Variants in CPED1 observed in about 807,000 individuals in gnomAD.
The protein encoded by CPED1 is cadherin like and PC-esterase domain containing 1.
A neutral mutation model predicts 128.2 loss-of-function variants in CPED1; 114 were observed. That is an observed-to-expected ratio of 0.89 (90% CI 0.76 to 1.04). The LOEUF (loss-of-function observed/expected upper bound fraction) is 1.04, where lower values mean the gene tolerates loss of function less well. Ranked by LOEUF, CPED1 falls within the 50% of genes least tolerant of loss-of-function variation. CPED1 has a pLI of 0.00. For missense variants in CPED1, 1,211 were observed against 1,207.1 expected (o/e 1.00, Z -0.05); for synonymous variants, 462 against 426.7 (o/e 1.08, Z -1.02).
At chr7:121,241,201 A>G (rs1798384512) in intron 17 of CPED1, among the ~76,000 whole-genome samples, 1 of 97,222 alleles carries the variant, frequency 1.0e-5, no homozygotes, top group African/African-American at 4.2e-5. Context: ...AAAAAAAATT[A>G]GCCGGGCGTA....
intron 18 of CPED1, among the ~76,000 whole-genome samples, chr7:121,256,129 C>CAAAAAAAAAAAAAAAAAAAA (rs201393067): frequency 2.0e-5 from 2 of 101,234 alleles, no homozygotes; most frequent in Non-Finnish European, 3.7e-5. Flanking sequence ...AAAAACAAAA[C>CAAAAAAAAAAAAAAAAAAAA]AAAAAAAAAA....
chr7:121,197,827 A>G (rs1013971609), intron 16 of CPED1, among the ~76,000 whole-genome samples: 2 of 152,148 alleles, frequency 1.3e-5, no homozygotes, highest in Non-Finnish European at 2.9e-5. Context: ...GCACAAGAGT[A>G]GCAAAGCAAG....
intron 22 of CPED1, among the ~76,000 whole-genome samples, chr7:121,274,534 A>C (rs1033079863): frequency 6.6e-6 from 1 of 152,128 alleles, no homozygotes; most frequent in Admixed American, 6.6e-5. Context: ...TGAAGTTTTA[A>C]TGTTTAAGCT....
chr7:121,239,264 C>T (rs1534019), intron 17 of CPED1, among the ~76,000 whole-genome samples: 63,507 of 151,676 alleles, frequency 0.42, 13,734 homozygotes, highest in Middle Eastern at 0.53. Flanking sequence ...GGATCTTTTT[C>T]TTTTCACTTT....
chr7:121,274,948 C>T (rs760096401), intron 22 of CPED1, among the ~76,000 whole-genome samples: 7 of 152,032 alleles, frequency 4.6e-5, no homozygotes, highest in Non-Finnish European at 1.0e-4. Context: ...CTGTGCTCAT[C>T]TTATGAGCCT....
rs368502123 is a variant in CPED1 at position 121,063,381 on chromosome 7, G to GAAAAAAAAAAAAAAAAAAA, written c.541-854_541-836dup. ...GCTTTATTTTGCAAATGAAGAAACT[G>GAAAAAAAAAAAAAAAAAAA]AAAAAAAAAAAAAAAAAAAAAGCAA... On this transcript the variant is annotated intron_variant, in intron 4 of 22. Transcript: ENST00000310396. 1.7e-3 allele frequency among the ~76,000 whole-genome samples: 113 copies of GAAAAAAAAAAAAAAAAAAA among 66,930 alleles called. 2 individuals carry two copies. Among genetic ancestry groups the GAAAAAAAAAAAAAAAAAAA allele is most frequent in the Non-Finnish European group, 2.1e-3 (82 of 39,048 alleles). The allele number at this position is 66,930 out of a possible 152,430, so 43.9% of individuals were successfully genotyped here. A position where few individuals can be genotyped will look rare whatever the true frequency, so the allele number is the denominator to read the frequency against.
At chr7:121,187,842 A>G (rs1390847389) in intron 16 of CPED1, among the ~76,000 whole-genome samples, 1 of 152,142 alleles carries the variant, frequency 6.6e-6, no homozygotes, top group East Asian at 1.9e-4. Flanking sequence ...GTGGCCATAA[A>G]GTTGGAAAAC....
intron 22 of CPED1, among the ~76,000 whole-genome samples, chr7:121,281,936 A>G (rs1224620909): frequency 6.6e-6 from 1 of 152,226 alleles, no homozygotes; most frequent in African/African-American, 2.4e-5. Flanking sequence ...ACTTCAATGT[A>G]GCAAATTCAC....
chr7:121,002,300 T>C (rs181284953), intron 2 of CPED1, among the ~76,000 whole-genome samples: 47 of 152,200 alleles, frequency 3.1e-4, no homozygotes, highest in Admixed American at 2.8e-3. Flanking sequence ...GAACAGGAAA[T>C]TAACTTTTCT....
At chr7:121,244,025 A>C (rs1390079944) in intron 17 of CPED1, among the ~76,000 whole-genome samples, 177 bp from the exon 18 acceptor site, 2 of 152,202 alleles carry the variant, frequency 1.3e-5, no homozygotes, top group Non-Finnish European at 2.9e-5. Flanking sequence ...ACATTACTTA[A>C]TGTTGCTATT....
chr7:121,255,812 G>A (rs999490426), intron 18 of CPED1, among the ~76,000 whole-genome samples: 1 of 151,844 alleles, frequency 6.6e-6, no homozygotes, highest in African/African-American at 2.4e-5. Flanking sequence ...ATTTACAATA[G>A]CCACAATGAA....
intron 16 of CPED1, among the ~76,000 whole-genome samples, chr7:121,227,406 G>A (rs542236254): frequency 6.6e-6 from 1 of 152,084 alleles, no homozygotes; most frequent in Non-Finnish European, 1.5e-5. Context: ...TTACATCGTG[G>A]ATGGATTTAT....
intron 3 of CPED1, among the ~76,000 whole-genome samples, chr7:121,044,064 T>A (rs1793126099): frequency 6.6e-6 from 1 of 152,204 alleles, no homozygotes; most frequent in African/African-American, 2.4e-5. Flanking sequence ...AACTTCTCAA[T>A]GTGATTTACT....
At chr7:121,037,434 A>G (rs930235394) in intron 3 of CPED1, among the ~76,000 whole-genome samples, 6 of 152,058 alleles carry the variant, frequency 3.9e-5, no homozygotes, top group Admixed American at 6.6e-5. Flanking sequence ...GCTTTTTTGA[A>G]GATCAGTTGG....
chr7:121,244,371 A>G (rs1562847699), intron 18 of CPED1, 33 bp downstream of exon 18: 2 of 1,612,518 alleles, frequency 1.2e-6, no homozygotes, highest in Non-Finnish European at 1.7e-6. Flanking sequence ...GAAGCCTTTA[A>G]TGTATGCCAC....
chr7:121,201,735 T>G (rs892871407), intron 16 of CPED1, among the ~76,000 whole-genome samples: 4 of 152,068 alleles, frequency 2.6e-5, no homozygotes, highest in Non-Finnish European at 5.9e-5. Flanking sequence ...AAGCAGAAGG[T>G]AAAGCAATCT....
intron 22 of CPED1, among the ~76,000 whole-genome samples, chr7:121,290,673 G>C (rs1263716215): frequency 3.3e-5 from 5 of 152,154 alleles, no homozygotes; most frequent in African/African-American, 9.7e-5. Context: ...TTGTAAACTT[G>C]TTTAAGTTCC....
rs114810308 is a variant in CPED1, at chr7:121,101,303, A to G, written c.918+1209A>G. ...AGACACTTACCATCCTTACTTCCCCACATTGTTTACAATGCCCTCCTGGAT... is the reference window on the plus strand; with the variant it reads ...AGACACTTACCATCCTTACTTCCCCGCATTGTTTACAATGCCCTCCTGGAT... On this transcript the variant is annotated intron_variant, in intron 7 of 22. Coordinates refer to ENST00000310396, the MANE Select transcript of CPED1 (RefSeq NM_024913.5). 9.6e-3 allele frequency among the ~76,000 whole-genome samples: 1,459 copies of G among 151,654 alleles called. 26 individuals are homozygous for G. The highest frequency in any genetic ancestry group is 0.033 in the African/African-American group (1,383 of 41,380).
Position 120,998,768 on chromosome 7 carries a change from C to A in CPED1, c.249+8898C>A, listed in dbSNP as rs373490564. On this transcript the variant is annotated intron_variant, in intron 2 of 22. Coordinates refer to ENST00000310396, the MANE Select transcript of CPED1 (RefSeq NM_024913.5). The stretch of plus-strand genomic sequence containing the variant: ...TTAAGGAGGCTGATATATCACTCAA[C>A]GTCAGACTTGCTTATTTATAGGCAA... 3.6e-4 allele frequency among the ~76,000 whole-genome samples: 54 copies of A among 151,694 alleles called. 1 individual carries two copies. Among genetic ancestry groups the A allele is most frequent in the African/African-American group, 1.3e-3 (52 of 41,354 alleles).
Sources: gnomAD v4.1 joint callset for allele counts (sites outside exome capture counted in the v4.1 genomes callset) on GRCh38, gnomAD v4.1.1 for gene constraint, MANE v1.5 for transcripts, NCBI Gene and HGNC (gene_info 2026-07-23, HGNC 2026-07-21) for gene names.